SIPA1L1: variants seen among roughly 807,000 people sequenced by gnomAD.
SIPA1L1 encodes the protein signal induced proliferation associated 1 like 1.
A neutral mutation model predicts 162.7 loss-of-function variants in SIPA1L1; 26 were observed. The ratio of observed to expected loss-of-function variants is 0.16; its 90% CI spans 0.12 to 0.22. The LOEUF is 0.22. Among genes scored for constraint, SIPA1L1 ranks in the 10% least tolerant of loss-of-function variants. The pLI, the probability that SIPA1L1 is intolerant of heterozygous loss-of-function variation, is 1.00. For missense variants in SIPA1L1, 1,874 were observed against 2,241.0 expected, an observed-to-expected ratio of 0.84 and a Z score of 3.31; for synonymous variants, 829 against 837.4, an observed-to-expected ratio of 0.99 and a Z score of 0.17.
rs148845509 is a variant in SIPA1L1, at chr14:71,537,007, GTCT to G, written c.-303+7642_-303+7644del. On this transcript the variant is annotated intron_variant, in intron 4 of 23. Coordinates refer to ENST00000381232, the MANE Select transcript of SIPA1L1 (RefSeq NM_001386936.1). ...TCATATGCAATAGTTCTGAACTCTT[GTCT>G]TCTTATGCACAATGTTAGGGTTGTG... 2.5e-3 allele frequency among the ~76,000 whole-genome samples: 374 copies of G among 152,148 alleles called. 1 individual carries two copies. The highest frequency in any genetic ancestry group is 3.1e-3 in the Non-Finnish European group (212 of 68,010).
rs528474547 is a variant in SIPA1L1 at position 71,578,558 on chromosome 14, T to C, written c.-302-9013T>C. Among the ~76,000 whole-genome samples the C allele has an allele frequency of 3.9e-5, 6 of 152,356 alleles. 1 individual carries two copies. The highest frequency in any genetic ancestry group is 2.6e-4 in the Admixed American group (4 of 15,304). On this transcript the variant is annotated intron_variant, in intron 4 of 23. Coordinates refer to ENST00000381232, the MANE Select transcript of SIPA1L1 (RefSeq NM_001386936.1). ...TTTACCAGGAGCCTTACTGATAACA[T>C]GAACAGTGAATGAACACATAGTTTG...
At chr14:71,359,048 C>G (rs2037545447) in intron 2 of SIPA1L1, among the ~76,000 whole-genome samples, 1 of 152,140 alleles carries the variant, frequency 6.6e-6, no homozygotes, top group Admixed American at 6.5e-5. Flanking sequence ...CCCCTCTGAC[C>G]TTATGGTATG....
chr14:71,537,252 G>A (rs917930021), intron 4 of SIPA1L1, among the ~76,000 whole-genome samples: 4 of 152,134 alleles, frequency 2.6e-5, no homozygotes, highest in African/African-American at 2.4e-5. Context: ...GTTGCCCGGA[G>A]TGCAGTGGCG....
chr14:71,361,403 A>G (rs1370796900), intron 2 of SIPA1L1, among the ~76,000 whole-genome samples: 1 of 152,150 alleles, frequency 6.6e-6, no homozygotes, highest in Non-Finnish European at 1.5e-5. Flanking sequence ...GTGCTTCCAT[A>G]CATATACTTT....
intron 2 of SIPA1L1, among the ~76,000 whole-genome samples, chr14:71,434,295 G>A (rs1404249607): frequency 6.6e-6 from 1 of 152,156 alleles, no homozygotes; most frequent in East Asian, 1.9e-4. Context: ...TTTTAAAAGT[G>A]TTGAAGAAAT....
At chr14:71,481,326 A>G (rs1042092295) in intron 2 of SIPA1L1, among the ~76,000 whole-genome samples, 6 of 152,176 alleles carry the variant, frequency 3.9e-5, no homozygotes, top group Non-Finnish European at 7.3e-5. Context: ...AAAAAATACA[A>G]AAATCAGCCG....
At chr14:71,385,079 C>T (rs192857009) in intron 2 of SIPA1L1, among the ~76,000 whole-genome samples, 1 of 152,232 alleles carries the variant, frequency 6.6e-6, no homozygotes, top group East Asian at 1.9e-4. Context: ...CAGTTGGAAA[C>T]CTTTTAAAAT....
chr14:71,465,784 A>G (rs1208772287), intron 2 of SIPA1L1, among the ~76,000 whole-genome samples: 2 of 152,208 alleles, frequency 1.3e-5, no homozygotes, highest in African/African-American at 4.8e-5. Flanking sequence ...AAGTTTCCAC[A>G]ATAGGCTGTC....
chr14:71,486,917 T>TA (rs2048807987), intron 2 of SIPA1L1, among the ~76,000 whole-genome samples: 1 of 152,220 alleles, frequency 6.6e-6, no homozygotes, highest in South Asian at 2.1e-4. Flanking sequence ...GTTTTAGAAA[T>TA]ATTTATGTAA....
chr14:71,725,374 G>A (rs1804862457), intron 19 of SIPA1L1, among the ~76,000 whole-genome samples: 1 of 152,170 alleles, frequency 6.6e-6, no homozygotes, highest in South Asian at 2.1e-4. Context: ...TACAGCTGCT[G>A]CTTCAATCCA....
At chr14:71,455,970 C>G (rs1261687260) in intron 2 of SIPA1L1, among the ~76,000 whole-genome samples, 2 of 152,110 alleles carry the variant, frequency 1.3e-5, no homozygotes, top group Admixed American at 1.3e-4. Flanking sequence ...AAAACTCTTT[C>G]ATTTACTATT....
intron 19 of SIPA1L1, 40 bp from the exon 20 acceptor site, chr14:71,730,015 C>G (rs376539358): frequency 6.3e-7 from 1 of 1,593,640 alleles, no homozygotes; most frequent in Admixed American, 1.7e-5. Context: ...GGATCTGAAC[C>G]AGAAAATTGA....
At chr14:71,345,860 G>A (rs1429728928) in intron 2 of SIPA1L1, among the ~76,000 whole-genome samples, 1 of 150,732 alleles carries the variant, frequency 6.6e-6, no homozygotes, top group East Asian at 2.0e-4. Flanking sequence ...GAGCCACTGC[G>A]CCTGGCACCC....
intron 2 of SIPA1L1, among the ~76,000 whole-genome samples, chr14:71,467,911 A>G (rs2047134520): frequency 1.3e-5 from 2 of 151,784 alleles, no homozygotes; most frequent in African/African-American, 2.4e-5. Flanking sequence ...CAGCGTTGTG[A>G]TCTTGGGAAA....
intron 2 of SIPA1L1, among the ~76,000 whole-genome samples, chr14:71,434,074 T>C (rs1438429769): frequency 2.6e-5 from 4 of 152,362 alleles, no homozygotes; most frequent in South Asian, 2.1e-4. Context: ...GTTGAGACAT[T>C]TGGAATACAA....
chr14:71,685,318 A>AAGCAGT, intron 12 of SIPA1L1, 44 bp from the exon 13 acceptor site: 1 of 1,598,296 alleles, frequency 6.3e-7, no homozygotes, highest in Non-Finnish European at 8.6e-7. Context: ...CAGCAAGAAA[A>AAGCAGT]AGCAGTATCC....
At chr14:71,335,682 C>G (rs2035020266) in intron 2 of SIPA1L1, among the ~76,000 whole-genome samples, 1 of 152,100 alleles carries the variant, frequency 6.6e-6, no homozygotes, top group African/African-American at 2.4e-5. Context: ...GGATAGTTTT[C>G]TTATATGTTT....
rs758294284 is a variant in SIPA1L1, at chr14:71,735,407, A to G, written c.5123+16A>G. The G allele has an allele frequency of 6.5e-6, 10 of 1,534,148 alleles. No individual in the cohort carries two copies. Among genetic ancestry groups the G allele is most frequent in the African/African-American group, 4.1e-5 (3 of 73,420 alleles). On this transcript the variant is annotated intron_variant, in intron 22 of 23. Coordinates refer to ENST00000381232, the MANE Select transcript of SIPA1L1 (RefSeq NM_001386936.1). ...CTTACAGCAGGTTGGTCCCAGTGCA[A>G]GGGCAGTACTCTGCACCTTGTGTCA...
chr14:71,467,520 C>A (rs1006675609), intron 2 of SIPA1L1, among the ~76,000 whole-genome samples: 1 of 152,064 alleles, frequency 6.6e-6, no homozygotes, highest in Non-Finnish European at 1.5e-5. Context: ...CTATTAAAAT[C>A]TTGGAGTATT....
Sources: allele counts gnomAD v4.1 joint callset (sites outside exome capture counted in the v4.1 genomes callset), GRCh38; gene constraint gnomAD v4.1.1; transcripts MANE v1.5; gene names NCBI Gene and HGNC (gene_info 2026-07-23, HGNC 2026-07-21).